The following YY1AP1 variants were observed in gnomAD, a reference collection of about 807,000 sequenced individuals.
YY1AP1 encodes YY1-associated protein 1.
In YY1AP1, 43 loss-of-function variants were observed where a neutral mutation model predicts 39.9. The ratio of observed to expected loss-of-function variants is 1.08; its 90% confidence interval spans 0.84 to 1.39. The LOEUF (loss-of-function observed/expected upper bound fraction) is 1.39. YY1AP1 is among the 40% of genes most tolerant of loss of function. The pLI is 0.00. For missense variants in YY1AP1, 813 were observed against 900.7 expected, an observed-to-expected ratio of 0.90 and a Z score of 1.25; for synonymous variants, 292 against 331.3, an observed-to-expected ratio of 0.88 and a Z score of 1.29.
Position 155,688,749 on chromosome 1 carries a change from A to C in YY1AP1, c.-242T>G. 2 of 1,516,000 alleles carry C rather than the reference A, an allele frequency of 1.3e-6. No individual in the cohort carries two copies. The highest frequency in any genetic ancestry group is 1.8e-6 in the Non-Finnish European group (2 of 1,138,142). 93.9% of individuals were successfully genotyped at this position (1,516,000 alleles called of 1,614,324 possible). On this transcript the variant is annotated 5_prime_UTR_variant, in exon 1 of 11. Transcript: ENST00000355499. ...CACGGCCACCAACCGCCGCCAAAGCAGCCGCCGCCAGCACCCCCACCCTAC... is the reference window on the plus strand; with the variant it reads ...CACGGCCACCAACCGCCGCCAAAGCCGCCGCCGCCAGCACCCCCACCCTAC...
Position 155,659,614 on chromosome 1 carries a change from C to A in YY1AP1, c.*43G>T. Reference sequence around the variant, plus strand: ...CACCCTATGCGCCACCAATCGGAGGCCGAAGTGAAGGCTCCCAGTCTCCAG... The same window carrying A: ...CACCCTATGCGCCACCAATCGGAGGACGAAGTGAAGGCTCCCAGTCTCCAG... On this transcript the variant is annotated 3_prime_UTR_variant, in exon 11 of 11. Transcript: ENST00000355499. The A allele has an allele frequency of 6.2e-7, 1 of 1,608,366 alleles. No homozygotes were observed. The highest frequency in any genetic ancestry group is 8.5e-7 in the Non-Finnish European group (1 of 1,176,918).
At chr1:155,684,064 G>A (rs1462746505) in intron 2 of YY1AP1, among the ~76,000 whole-genome samples, 4 of 152,066 alleles carry the variant, frequency 2.6e-5, no homozygotes, top group African/African-American at 7.2e-5. Flanking sequence ...CCTGGCCAAC[G>A]TGGGGAAACC....
chr1:155,659,849 C>G lies in YY1AP1; in HGVS notation c.2061G>C (p.Gln687His). 1 of 1,614,182 alleles carries G rather than the reference C, an allele frequency of 6.2e-7. No individual in the cohort carries two copies. ...HSPGPPPVDK[Q>H]CQEGLSENSA... The stretch of plus-strand genomic sequence containing the variant: ...TGTTCTCTGACAATCCTTCTTGGCA[C>G]TGTTTATCGACTGGTGGAGGCCCTG... The change falls in exon 11 of 11, where the codon CAG (glutamine) becomes CAC (histidine). Residue 687 changes from glutamine to histidine, a missense_variant. Transcript: ENST00000355499.
intron 2 of YY1AP1, among the ~76,000 whole-genome samples, chr1:155,684,456 C>T (rs1651940569): frequency 6.6e-6 from 1 of 152,168 alleles, no homozygotes; most frequent in South Asian, 2.1e-4. Context: ...CATTCTTATA[C>T]AGGGGCCATG....
At chr1:155,678,813 A>C (rs958176855) in intron 4 of YY1AP1, among the ~76,000 whole-genome samples, 6 of 152,156 alleles carry the variant, frequency 3.9e-5, no homozygotes, top group African/African-American at 1.4e-4. Flanking sequence ...CTGCATCCTG[A>C]CCTCTCGCCA....
At chr1:155,688,365 G>C in intron 1 of YY1AP1, 164 bp from the exon 2 acceptor site, 1 of 1,547,094 alleles carries the variant, frequency 6.5e-7, no homozygotes, top group Non-Finnish European at 8.7e-7. Flanking sequence ...AGCTCCTCCA[G>C]AGGGAGGGAG....
At position 155,670,610 on chromosome 1, in the gene YY1AP1, CCA is replaced by C. The variant is rs975586256; in HGVS notation, c.584-148_584-147del. The C allele has an allele frequency of 7.9e-5, 61 of 775,218 alleles. 1 individual carries two copies. In the Admixed American group the frequency reaches 8.5e-4, roughly 11 times the overall value. 48.0% of individuals were successfully genotyped at this position (775,218 alleles called of 1,614,324 possible). A position where few individuals can be genotyped will look rare whatever the true frequency, so the allele number is the denominator to read the frequency against. Reference sequence around the variant, plus strand: ...CTGCCTACCACTCCCCAAAGAGTTTCCACAGTCTTTCCTCAACTAACATTAGG... The same window carrying C: ...CTGCCTACCACTCCCCAAAGAGTTTCCAGTCTTTCCTCAACTAACATTAGG... On this transcript the variant is annotated intron_variant, in intron 7 of 10. Coordinates refer to ENST00000355499, the MANE Select transcript of YY1AP1 (RefSeq NM_139119.3).
chr1:155,688,528 C>T (rs1653050860), intron 1 of YY1AP1, 131 bp downstream of exon 1: 1 of 1,544,422 alleles, frequency 6.5e-7, no homozygotes, highest in Non-Finnish European at 8.7e-7. Flanking sequence ...CTGCTCCCAC[C>T]AACCACCACC....
chr1:155,667,013 A>AAAAT (rs563139339), intron 9 of YY1AP1, among the ~76,000 whole-genome samples: 5 of 152,094 alleles, frequency 3.3e-5, no homozygotes, highest in South Asian at 4.1e-4. Flanking sequence ...AAAATAAAAT[A>AAAAT]AAATAAATAA....
At chr1:155,676,505 C>T (rs1650710903) in intron 5 of YY1AP1, 43 bp downstream of exon 5, 9 of 1,610,162 alleles carry the variant, frequency 5.6e-6, no homozygotes, top group Non-Finnish European at 7.6e-6. Flanking sequence ...CAGAGTTAGG[C>T]CTTGGTATAA....
chr1:155,685,887 AACTTTT>A (rs1403714570), intron 2 of YY1AP1, among the ~76,000 whole-genome samples: 4 of 152,132 alleles, frequency 2.6e-5, no homozygotes, highest in Non-Finnish European at 5.9e-5. Context: ...GACCCCAAAA[AACTTTT>A]AAGAACCACT....
At chr1:155,661,527 AC>A (rs1247282209) in intron 9 of YY1AP1, 104 bp from the exon 10 acceptor site, 7 of 1,558,368 alleles carry the variant, frequency 4.5e-6, no homozygotes, top group Admixed American at 1.7e-5. Context: ...ACACACACAC[AC>A]ACACACACAC....
chr1:155,662,081 G>A (rs1457187487), intron 9 of YY1AP1, among the ~76,000 whole-genome samples: 2 of 152,006 alleles, frequency 1.3e-5, no homozygotes, highest in Non-Finnish European at 1.5e-5. Context: ...CTGCTCAACA[G>A]CTGCAAAGAC....
intron 2 of YY1AP1, among the ~76,000 whole-genome samples, chr1:155,683,725 G>T (rs934740289): frequency 2.0e-5 from 3 of 151,670 alleles, no homozygotes; most frequent in Admixed American, 2.0e-4. Flanking sequence ...GCTTTAAAAA[G>T]AGAACTGTCA....
intron 4 of YY1AP1, among the ~76,000 whole-genome samples, chr1:155,677,751 T>C (rs552984974): frequency 1.3e-5 from 2 of 152,142 alleles, no homozygotes; most frequent in African/African-American, 2.4e-5. Flanking sequence ...AACTGAAAAT[T>C]TGAACATCCG....
At chr1:155,663,035 A>G (rs1330393430) in intron 9 of YY1AP1, among the ~76,000 whole-genome samples, 1 of 151,684 alleles carries the variant, frequency 6.6e-6, no homozygotes, top group Non-Finnish European at 1.5e-5. Flanking sequence ...CAACAAAAGT[A>G]CAAAGGTGTG....
At chr1:155,667,523 A>G (rs2149036576) in intron 9 of YY1AP1, among the ~76,000 whole-genome samples, 1 of 151,906 alleles carries the variant, frequency 6.6e-6, no homozygotes, top group Non-Finnish European at 1.5e-5. Flanking sequence ...ACATAAATAA[A>G]TATCTAAATA....
At chr1:155,664,534 A>C (rs1648661641) in intron 9 of YY1AP1, among the ~76,000 whole-genome samples, 1 of 152,108 alleles carries the variant, frequency 6.6e-6, no homozygotes, top group South Asian at 2.1e-4. Context: ...CAGGGGTTCG[A>C]GATCACCTGG....
At chr1:155,678,408 A>C (rs1323816079) in intron 4 of YY1AP1, among the ~76,000 whole-genome samples, 2 of 152,228 alleles carry the variant, frequency 1.3e-5, no homozygotes, top group African/African-American at 4.8e-5. Flanking sequence ...ATATTTTCCA[A>C]ATTTTAAGAA....
Sources: allele counts gnomAD v4.1 joint callset (sites outside exome capture counted in the v4.1 genomes callset), GRCh38; gene constraint gnomAD v4.1.1; transcripts MANE v1.5; gene names NCBI Gene and HGNC (gene_info 2026-07-23, HGNC 2026-07-21).